TRIM33: variants seen among roughly 807,000 people sequenced by gnomAD.
TRIM33 encodes the protein E3 ubiquitin-protein ligase TRIM33.
In TRIM33, 20 loss-of-function variants were observed where a neutral mutation model predicts 125.4. The ratio of observed to expected loss-of-function variants is 0.16; its 90% CI spans 0.11 to 0.23. The LOEUF (loss-of-function observed/expected upper bound fraction) is 0.23, where lower values mean the gene tolerates loss of function less well. Among genes scored for constraint, TRIM33 ranks in the 10% least tolerant of loss-of-function variants. The pLI is 1.00. For missense variants in TRIM33, 920 were observed against 1,411.4 expected (o/e 0.65, Z 5.58); for synonymous variants, 564 against 513.9 (o/e 1.10, Z -1.32).
At chr1:114,423,998 A>C (rs1186728696) in intron 10 of TRIM33, among the ~76,000 whole-genome samples, 1 of 152,126 alleles carries the variant, frequency 6.6e-6, no homozygotes, top group Non-Finnish European at 1.5e-5. Context: ...CTCTATTATA[A>C]CTAGAAATCC....
intron 16 of TRIM33, 40 bp from the exon 17 acceptor site, chr1:114,401,503 T>C (rs201299783): frequency 2.6e-6 from 4 of 1,553,270 alleles, no homozygotes; most frequent in Admixed American, 3.5e-5. Context: ...GAAATATTTT[T>C]CTCCTAATAA....
At chr1:114,502,613 C>T (rs1011324797) in intron 1 of TRIM33, among the ~76,000 whole-genome samples, 2 of 152,104 alleles carry the variant, frequency 1.3e-5, no homozygotes, top group African/African-American at 2.4e-5. Flanking sequence ...CTCAAGTGAT[C>T]CTCCCACCTC....
intron 1 of TRIM33, among the ~76,000 whole-genome samples, chr1:114,488,060 G>A (rs1255809863): frequency 6.6e-6 from 1 of 151,964 alleles, no homozygotes; most frequent in African/African-American, 2.4e-5. Context: ...AAACTAGGAA[G>A]AGTAAAGGGA....
chr1:114,485,878 C>T (rs1178580319), intron 1 of TRIM33, among the ~76,000 whole-genome samples: 1 of 152,158 alleles, frequency 6.6e-6, no homozygotes, highest in African/African-American at 2.4e-5. Flanking sequence ...AAAATCATAA[C>T]TGACAAAAGA....
chr1:114,468,636 C>A (rs967645143), intron 1 of TRIM33: 1 of 417,902 alleles, frequency 2.4e-6, no homozygotes, highest in Non-Finnish European at 4.7e-6. Flanking sequence ...AAAAAATATT[C>A]AAGAACCAGC....
At chr1:114,480,601 C>T (rs1651269164) in intron 1 of TRIM33, among the ~76,000 whole-genome samples, 1 of 143,452 alleles carries the variant, frequency 7.0e-6, no homozygotes, top group Non-Finnish European at 1.5e-5. Flanking sequence ...TTAAGGTACA[C>T]TAAAAATATT....
Position 114,447,439 on chromosome 1 carries a change from G to T in TRIM33, c.924-13706C>A, listed in dbSNP as rs189464848. On this transcript the variant is annotated intron_variant, in intron 4 of 19. Transcript: ENST00000358465. ...AAACTGAGATGAGGAAAGGCTACCA[G>T]TGAAAAAAGGTTTGGAGAAAGTGAT... Among the ~76,000 whole-genome samples the T allele has an allele frequency of 2.0e-5, 3 of 152,226 alleles. No individual in the cohort carries two copies. In the East Asian group the frequency reaches 5.8e-4, roughly 29 times the overall value.
intron 4 of TRIM33, among the ~76,000 whole-genome samples, chr1:114,449,594 G>T (rs577485533): frequency 6.6e-6 from 1 of 152,276 alleles, no homozygotes; most frequent in East Asian, 1.9e-4. Flanking sequence ...CAATGGAAAA[G>T]AAATTCTAGT....
intron 4 of TRIM33, among the ~76,000 whole-genome samples, chr1:114,436,617 A>AC (rs1648325503): frequency 6.6e-6 from 1 of 151,798 alleles, no homozygotes; most frequent in African/African-American, 2.4e-5. Flanking sequence ...GACATACACC[A>AC]CCATGCCTGG....
chr1:114,405,806 T>C lies in TRIM33; in HGVS notation c.2419-47A>G, dbSNP rs553397675. On this transcript the variant is annotated intron_variant, in intron 14 of 19. Coordinates refer to ENST00000358465, the MANE Select transcript of TRIM33 (RefSeq NM_015906.4). ...TTCTTGAAGAATCATTTAATCTTTA[T>C]TGTATGCCATATGTGTATTTAACAG... 4.1e-5 allele frequency: 61 copies of C among 1,478,166 alleles called. No homozygotes were observed. In the East Asian group the frequency reaches 5.4e-4, roughly 13 times the overall value. The allele number at this position is 1,478,166 out of a possible 1,614,324, so 91.6% of individuals were successfully genotyped here.
rs373246341 is a variant in TRIM33, at chr1:114,480,083, G to A, written c.527-15695C>T. Among the ~76,000 whole-genome samples the A allele has an allele frequency of 2.5e-4, 38 of 152,350 alleles. No individual in the cohort carries two copies. The East Asian group carries it at 6.2e-3, about 25-fold the overall frequency. ...GATAGAGAAATCAGATCGTTGCTGT[G>A]TCTGTGTAGAAAGAAGTAGACATAG... On this transcript the variant is annotated intron_variant, in intron 1 of 19. Transcript: ENST00000358465.
In TRIM33 at chr1:114,405,478, C is replaced by T; in HGVS notation, c.2700G>A (p.Leu900=). 6.2e-7 allele frequency: 1 copy of T among 1,614,216 alleles called. No individual in the cohort carries two copies. ...AGACCTTTGGACATTTTTCGCAGCA[C>T]AAGAGATCTCCTCCGTTTTGGCAGA... ...CAVCQNGGDL[L]CCEKCPKVFH... The change falls in exon 15 of 20, where the codon TTG becomes TTA. Residue 900 remains leucine, a synonymous_variant. Transcript: ENST00000358465.
chr1:114,471,861 T>C (rs918111511), intron 1 of TRIM33, among the ~76,000 whole-genome samples: 7 of 152,186 alleles, frequency 4.6e-5, no homozygotes, highest in Non-Finnish European at 7.3e-5. Flanking sequence ...AATTGAATGG[T>C]TGTCAAGCTC....
chr1:114,440,957 G>A (rs191849867), intron 4 of TRIM33, among the ~76,000 whole-genome samples: 1 of 152,188 alleles, frequency 6.6e-6, no homozygotes, highest in East Asian at 1.9e-4. Context: ...GTTTCTTTAG[G>A]TATACTTCTG....
At chr1:114,432,609 AC>A (rs1338756557) in intron 5 of TRIM33, among the ~76,000 whole-genome samples, 10 of 151,922 alleles carry the variant, frequency 6.6e-5, no homozygotes. Context: ...ACACGGTGAA[AC>A]CCCGTCTCTA....
In TRIM33 at chr1:114,468,007, G is replaced by A. The variant is rs538455669; in HGVS notation, c.527-3619C>T. On this transcript the variant is annotated intron_variant, in intron 1 of 19. Transcript: ENST00000358465. ...CCAGTCCAAATGATAAGAGAGTCCTGTGAGTTAAGTGTTGAAAGACTGGAA... is the reference window on the plus strand; with the variant it reads ...CCAGTCCAAATGATAAGAGAGTCCTATGAGTTAAGTGTTGAAAGACTGGAA... 5.3e-5 allele frequency among the ~76,000 whole-genome samples: 8 copies of A among 152,290 alleles called. No homozygotes were observed. The South Asian group carries it at 1.7e-3, about 32-fold the overall frequency.
At chr1:114,496,682 T>C (rs1185124605) in intron 1 of TRIM33, among the ~76,000 whole-genome samples, 1 of 152,210 alleles carries the variant, frequency 6.6e-6, no homozygotes. Flanking sequence ...ATGAGAAGAA[T>C]AAAATTCTCA....
intron 8 of TRIM33, among the ~76,000 whole-genome samples, chr1:114,426,507 C>CTTT (rs371040415): frequency 1.6e-4 from 22 of 140,492 alleles, no homozygotes; most frequent in African/African-American, 4.4e-4. Flanking sequence ...GCAAAGATTA[C>CTTT]TTTTTTTTTT....
intron 1 of TRIM33, among the ~76,000 whole-genome samples, chr1:114,471,766 G>A (rs1650671924): frequency 6.6e-6 from 1 of 152,128 alleles, no homozygotes; most frequent in South Asian, 2.1e-4. Context: ...TCCACAAATT[G>A]TCAAAACAAA....
Sources: gnomAD v4.1 joint callset for allele counts (sites outside exome capture counted in the v4.1 genomes callset) on GRCh38, gnomAD v4.1.1 for gene constraint, MANE v1.5 for transcripts, NCBI Gene and HGNC (gene_info 2026-07-23, HGNC 2026-07-21) for gene names.